The following THSD7A variants were observed in gnomAD, a reference collection of about 807,000 sequenced individuals.
THSD7A encodes the protein thrombospondin type-1 domain-containing protein 7A.
Under a neutral mutation model 231.3 loss-of-function variants are expected in THSD7A, and 96 were observed. That is an observed-to-expected ratio of 0.41 (90% CI 0.35 to 0.49). The LOEUF (loss-of-function observed/expected upper bound fraction) is 0.49. Ranked by LOEUF, THSD7A falls within the 20% of genes least tolerant of loss-of-function variation. The pLI is 0.05. For synonymous variants in THSD7A, 940 were observed against 743.3 expected, an observed-to-expected ratio of 1.26 and a Z score of -4.30; for missense variants, 2,290 against 2,070.2, an observed-to-expected ratio of 1.11 and a Z score of -2.06.
intron 6 of THSD7A, among the ~76,000 whole-genome samples, chr7:11,503,489 A>C (rs1787422420): frequency 6.6e-6 from 1 of 152,222 alleles, no homozygotes; most frequent in South Asian, 2.1e-4. Flanking sequence ...GCTTCTGCAA[A>C]GAAAAATAAA....
chr7:11,588,213 A>G (rs1779997384), intron 4 of THSD7A, among the ~76,000 whole-genome samples: 1 of 152,112 alleles, frequency 6.6e-6, no homozygotes, highest in Non-Finnish European at 1.5e-5. Context: ...CTCCATTCAC[A>G]CATATTTATA....
chr7:11,671,659 AT>A (rs1562462455), intron 1 of THSD7A, among the ~76,000 whole-genome samples: 1 of 152,188 alleles, frequency 6.6e-6, no homozygotes, highest in African/African-American at 2.4e-5. Context: ...TAGCTAAAAA[AT>A]ATAAAATATA....
In THSD7A at chr7:11,579,174, G is replaced by T. The variant is rs79075991; in HGVS notation, c.1453+11286C>A. Among the ~76,000 whole-genome samples, 63 of 152,116 alleles carry T rather than the reference G, an allele frequency of 4.1e-4. No individual in the cohort carries two copies. In the East Asian group the frequency reaches 0.012, roughly 28 times the overall value. On this transcript the variant is annotated intron_variant, in intron 4 of 27. Transcript: ENST00000423059. ...TTCTTTTCCCATTGCTATTCTCCTT[G>T]GTTTATTTCCCTTTTTATTGCCCAT...
Position 11,428,983 on chromosome 7 carries a change from TC to T in THSD7A, c.3206del (p.Gly1069GlufsTer41). 6.2e-7 allele frequency: 1 copy of T among 1,612,420 alleles called. No homozygotes were observed. Among genetic ancestry groups the T allele is most frequent in the Non-Finnish European group, 8.5e-7 (1 of 1,179,234 alleles). ...SKWLREKPYNGGRPCPKLDHV... is the reference protein window; with the variant it reads ...SKWLREKPYNXGRPCPKLDHV... ...GGTCCAGTTTGGGGCAAGGCCTTCC[TC>T]CATTATATGGTTTTTCACGCAGCCA... On this transcript the variant is annotated frameshift_variant, in exon 14 of 28. Transcript: ENST00000423059. LOFTEE classifies it high-confidence loss of function.
At position 11,651,397 on chromosome 7, in the gene THSD7A, C is replaced by A. The variant is rs559993937; in HGVS notation, c.191-14436G>T. ...CACAACAATGTGAATGCATTTAGTG[C>A]CACTGAATTTTTCACTTAGAAATGG... is the stretch of plus-strand genomic sequence containing the variant. On this transcript the variant is annotated intron_variant, in intron 1 of 27. Coordinates refer to ENST00000423059, the MANE Select transcript of THSD7A (RefSeq NM_015204.3). 5.3e-5 allele frequency among the ~76,000 whole-genome samples: 8 copies of A among 151,960 alleles called. No individual in the cohort carries two copies. The East Asian group carries it at 1.6e-3, about 30-fold the overall frequency.
intron 9 of THSD7A, among the ~76,000 whole-genome samples, chr7:11,464,968 A>T (rs1057336251): frequency 2.0e-5 from 3 of 152,204 alleles, no homozygotes; most frequent in African/African-American, 7.2e-5. Flanking sequence ...TACAGCACAC[A>T]TTAAAAACAA....
chr7:11,511,687 G>T (rs891540105), intron 6 of THSD7A, among the ~76,000 whole-genome samples: 1 of 152,144 alleles, frequency 6.6e-6, no homozygotes, highest in Non-Finnish European at 1.5e-5. Flanking sequence ...ATGGGGAAAG[G>T]ATTCCCTATT....
chr7:11,397,290 G>A (rs1213066738), intron 23 of THSD7A, among the ~76,000 whole-genome samples: 2 of 152,082 alleles, frequency 1.3e-5, no homozygotes, highest in Admixed American at 6.6e-5. Context: ...TCTTTGACAA[G>A]CCTAAGAAAA....
At chr7:11,579,435 G>A (rs1791060532) in intron 4 of THSD7A, among the ~76,000 whole-genome samples, 4 of 152,134 alleles carry the variant, frequency 2.6e-5, no homozygotes, top group Non-Finnish European at 5.9e-5. Flanking sequence ...TCCTCCTGGC[G>A]CTATCATTCA....
At chr7:11,435,599 AAGAG>A (rs1352306565) in intron 13 of THSD7A, among the ~76,000 whole-genome samples, 2 of 152,070 alleles carry the variant, frequency 1.3e-5, no homozygotes, top group African/African-American at 4.8e-5. Context: ...TCAGTGTGCT[AAGAG>A]AAAGATGCCT....
chr7:11,617,277 A>T (rs1161155710), intron 2 of THSD7A, among the ~76,000 whole-genome samples: 1 of 152,212 alleles, frequency 6.6e-6, no homozygotes, highest in Non-Finnish European at 1.5e-5. Context: ...CATTTTAAAG[A>T]CAAATCATCT....
chr7:11,724,678 A>T (rs1293298649), intron 1 of THSD7A, among the ~76,000 whole-genome samples: 2 of 152,006 alleles, frequency 1.3e-5, no homozygotes, highest in Non-Finnish European at 2.9e-5. Context: ...GACATTTAAG[A>T]AAATCATTTT....
chr7:11,513,532 A>G (rs1787905650), intron 6 of THSD7A, among the ~76,000 whole-genome samples: 2 of 152,158 alleles, frequency 1.3e-5, no homozygotes. Context: ...GGTAACTTAA[A>G]GAAGCCAGAC....
At position 11,632,661 on chromosome 7, in the gene THSD7A, G is replaced by T. The variant is rs1257390967; in HGVS notation, c.1022+3469C>A. ...CCTGTCTTATTTTTTACTTTAAAGA[G>T]AATGCTTCTAATGTTTCACAGTTGA... is the stretch of plus-strand genomic sequence containing the variant. On this transcript the variant is annotated intron_variant, in intron 2 of 27. Transcript: ENST00000423059. This position sits in a 1 kb window ranked among gnomAD's most constrained non-coding sequence, Gnocchi z 4.1. Among the ~76,000 whole-genome samples, 1 of 152,172 alleles carries T rather than the reference G, an allele frequency of 6.6e-6. No individual in the cohort carries two copies. The highest frequency in any genetic ancestry group is 1.9e-4 in the East Asian group (1 of 5,180).
At chr7:11,482,113 G>C in intron 6 of THSD7A, 131 bp from the exon 7 acceptor site, 1 of 966,756 alleles carries the variant, frequency 1.0e-6, no homozygotes, top group South Asian at 1.8e-5. Context: ...GTAGCCAAAA[G>C]AGGGATTGCC....
rs184891507 is a variant in THSD7A, at chr7:11,719,237, A to G, written c.191-82276T>C. 1.6e-3 allele frequency among the ~76,000 whole-genome samples: 246 copies of G among 151,550 alleles called. 2 individuals carry two copies. Among genetic ancestry groups the G allele is most frequent in the Middle Eastern group, 0.01 (3 of 294 alleles). On this transcript the variant is annotated intron_variant, in intron 1 of 27. Coordinates refer to ENST00000423059, the MANE Select transcript of THSD7A (RefSeq NM_015204.3). ...CTATCTTCCCACCTTAACTAAAACT[A>G]GACTGTCTCATATGGTCTCTGTTTC... is the stretch of plus-strand genomic sequence containing the variant.
chr7:11,567,723 T>C (rs1174467632), intron 4 of THSD7A, among the ~76,000 whole-genome samples: 2 of 152,128 alleles, frequency 1.3e-5, no homozygotes, highest in Admixed American at 1.3e-4. Context: ...AGAGATAAGA[T>C]TGCAAACCAC....
chr7:11,553,700 C>G (rs1190955737), intron 4 of THSD7A, among the ~76,000 whole-genome samples: 1 of 151,940 alleles, frequency 6.6e-6, no homozygotes. Flanking sequence ...CACAAGGTCA[C>G]AAAAGAATGT....
intron 1 of THSD7A, among the ~76,000 whole-genome samples, chr7:11,646,197 T>G (rs955727062): frequency 3.3e-5 from 5 of 151,966 alleles, no homozygotes; most frequent in African/African-American, 1.2e-4. Context: ...TTTAAAAAGA[T>G]CTATTTGAAC....
Sources: allele counts gnomAD v4.1 joint callset (sites outside exome capture counted in the v4.1 genomes callset), GRCh38; gene constraint gnomAD v4.1.1; non-coding constraint Gnocchi (gnomAD v3.1); transcripts MANE v1.5; gene names NCBI Gene and HGNC (gene_info 2026-07-23, HGNC 2026-07-21).